Variants in MRPS28 observed in about 807,000 individuals in gnomAD.
MRPS28 encodes mitochondrial ribosomal protein S28, also known as small ribosomal subunit protein bS1m.
Under a neutral mutation model 10.8 loss-of-function variants are expected in MRPS28, and 7 were observed. That is an observed-to-expected ratio of 0.65 (90% CI 0.37 to 1.22). The LOEUF (loss-of-function observed/expected upper bound fraction) is 1.22, where lower values mean the gene tolerates loss of function less well. Ranked by LOEUF, MRPS28 falls within the 50% of genes most tolerant of loss-of-function variation. The pLI is 0.02. For missense variants in MRPS28, 265 were observed against 232.9 expected (o/e 1.14, Z -0.90); for synonymous variants, 121 against 93.3 (o/e 1.30, Z -1.71).
intron 2 of MRPS28, among the ~76,000 whole-genome samples, chr8:79,935,960 G>GA (rs1345514751): frequency 1.3e-5 from 2 of 151,166 alleles, no homozygotes; most frequent in South Asian, 2.1e-4. Flanking sequence ...CTAGACAAAA[G>GA]AAAAAAAATC....
At chr8:79,920,698 AGAG>A (rs961040368) in intron 2 of MRPS28, among the ~76,000 whole-genome samples, 2 of 152,158 alleles carry the variant, frequency 1.3e-5, no homozygotes, top group African/African-American at 4.8e-5. Context: ...GCCCTTTGTC[AGAG>A]GAGTAGATTG....
chr8:79,979,900 T>C (rs976114520), intron 2 of MRPS28, among the ~76,000 whole-genome samples: 5 of 109,884 alleles, frequency 4.6e-5, no homozygotes, highest in African/African-American at 1.8e-4. Context: ...GCCACTAACA[T>C]TCAGGATTCT....
At chr8:79,920,495 A>G (rs1306453780) in intron 2 of MRPS28, among the ~76,000 whole-genome samples, 6 of 152,218 alleles carry the variant, frequency 3.9e-5, no homozygotes, top group Non-Finnish European at 8.8e-5. Context: ...AACTGGTGTG[A>G]GATGGTTATC....
chr8:80,026,001 G>T (rs753336018), intron 1 of MRPS28, among the ~76,000 whole-genome samples: 20 of 152,118 alleles, frequency 1.3e-4, no homozygotes, highest in Non-Finnish European at 2.8e-4. Context: ...ACACTCTCCA[G>T]CCTTGAGAAA....
At chr8:79,984,065 C>A (rs1032391228) in intron 2 of MRPS28, among the ~76,000 whole-genome samples, 1 of 152,052 alleles carries the variant, frequency 6.6e-6, no homozygotes, top group Non-Finnish European at 1.5e-5. Context: ...ATCAGACTAA[C>A]AGCGGATCTC....
chr8:79,985,794 A>T (rs1270140739), intron 2 of MRPS28, among the ~76,000 whole-genome samples: 2 of 152,136 alleles, frequency 1.3e-5, no homozygotes, highest in Non-Finnish European at 2.9e-5. Flanking sequence ...ATAGCTTACC[A>T]ACCAAAAAGA....
intron 1 of MRPS28, among the ~76,000 whole-genome samples, chr8:80,028,139 C>T (rs1055476771): frequency 6.6e-6 from 1 of 152,190 alleles, no homozygotes; most frequent in African/African-American, 2.4e-5. Context: ...ACTTAACTTA[C>T]TATACATGTG....
chr8:80,003,052 T>A lies in MRPS28; in HGVS notation c.342A>T (p.Ile114=). ...CACAATGAAACTTTCCACCAAAATC[T>A]ATGTACAGATCATTCTCCACAATAT... is the stretch of plus-strand genomic sequence containing the variant. The part of the protein sequence containing the change: ...IFHIVENDLY[I]DFGGKFHCVC... The change falls in exon 2 of 3, where the codon ATA becomes ATT. Residue 114 remains isoleucine, a synonymous_variant. Coordinates refer to ENST00000276585, the MANE Select transcript of MRPS28 (RefSeq NM_014018.3). 6.2e-7 allele frequency: 1 copy of A among 1,610,328 alleles called. No individual in the cohort carries two copies. Among genetic ancestry groups the A allele is most frequent in the Non-Finnish European group, 8.5e-7 (1 of 1,179,062 alleles).
intron 1 of MRPS28, among the ~76,000 whole-genome samples, chr8:80,017,196 T>A (rs1809218647): frequency 6.6e-6 from 1 of 152,158 alleles, no homozygotes; most frequent in Non-Finnish European, 1.5e-5. Context: ...CACGTCTAAA[T>A]AACATGAGTC....
intron 2 of MRPS28, among the ~76,000 whole-genome samples, chr8:79,972,532 T>C (rs1361931959): frequency 6.6e-6 from 1 of 152,248 alleles, no homozygotes; most frequent in African/African-American, 2.4e-5. Flanking sequence ...CATCATATAG[T>C]AACTCTGTTT....
chr8:79,946,277 T>C (rs553950275), intron 2 of MRPS28, among the ~76,000 whole-genome samples: 1 of 152,242 alleles, frequency 6.6e-6, no homozygotes, highest in East Asian at 1.9e-4. Context: ...CTCATCCTTC[T>C]AAAAATCATC....
chr8:79,944,277 A>G (rs1009175005), intron 2 of MRPS28, among the ~76,000 whole-genome samples: 7 of 152,182 alleles, frequency 4.6e-5, no homozygotes, highest in African/African-American at 1.7e-4. Context: ...CCACTGTGAT[A>G]TGTGGAAGAC....
At chr8:79,950,701 AG>A (rs1256812470) in intron 2 of MRPS28, among the ~76,000 whole-genome samples, 1 of 152,226 alleles carries the variant, frequency 6.6e-6, no homozygotes, top group Non-Finnish European at 1.5e-5. Flanking sequence ...TAAAACTTTG[AG>A]TTTCAGAGCT....
intron 2 of MRPS28, among the ~76,000 whole-genome samples, chr8:79,968,516 G>GA (rs140662831): frequency 0.019 from 2,953 of 152,174 alleles, 37 homozygotes; most frequent in Middle Eastern, 0.037. Flanking sequence ...ATAAAGTCCA[G>GA]ACTCCCTGAA....
chr8:79,937,684 T>C (rs986614634), intron 2 of MRPS28, among the ~76,000 whole-genome samples: 6 of 152,356 alleles, frequency 3.9e-5, no homozygotes, highest in Non-Finnish European at 5.9e-5. Context: ...GACGTTCTTT[T>C]TACCTTTCAT....
intron 2 of MRPS28, among the ~76,000 whole-genome samples, chr8:79,923,831 G>A (rs373948822): frequency 1.3e-5 from 2 of 152,130 alleles, no homozygotes; most frequent in Admixed American, 1.3e-4. Flanking sequence ...TGCAGTAAAC[G>A]AGACTGCATG....
chr8:79,927,954 C>G (rs118106781), intron 2 of MRPS28, among the ~76,000 whole-genome samples: 1,588 of 152,150 alleles, frequency 0.01, 18 homozygotes, highest in African/African-American at 0.015. Flanking sequence ...CAGGGTCAAC[C>G]AGGGAGCAGA....
intron 2 of MRPS28, among the ~76,000 whole-genome samples, chr8:79,928,176 T>A (rs1806351001): frequency 6.6e-6 from 1 of 151,380 alleles, no homozygotes; most frequent in African/African-American, 2.4e-5. Flanking sequence ...AAAAAAAAAT[T>A]AAAAATTAGC....
intron 1 of MRPS28, among the ~76,000 whole-genome samples, chr8:80,023,607 T>TA (rs1809427884): frequency 6.6e-6 from 1 of 152,186 alleles, no homozygotes; most frequent in South Asian, 2.1e-4. Context: ...AAGGTAAAAC[T>TA]ATAAACTGTC....
Sources: gnomAD v4.1 joint callset for allele counts (sites outside exome capture counted in the v4.1 genomes callset) on GRCh38, gnomAD v4.1.1 for gene constraint, MANE v1.5 for transcripts, NCBI Gene and HGNC (gene_info 2026-07-23, HGNC 2026-07-21) for gene names.